The following SLCO2A1 variants were observed in gnomAD, a reference collection of about 807,000 sequenced individuals.
SLCO2A1 encodes the protein matrin F/G 1.
In SLCO2A1, 60 loss-of-function variants were observed where a neutral mutation model predicts 71.7. The ratio of observed to expected loss-of-function variants is 0.84; its 90% CI spans 0.68 to 1.04. The LOEUF (loss-of-function observed/expected upper bound fraction) is 1.04. Ranked by LOEUF, SLCO2A1 falls within the 50% of genes least tolerant of loss-of-function variation. The pLI, the probability that SLCO2A1 is intolerant of heterozygous loss-of-function variation, is 0.00. For missense variants in SLCO2A1, 745 were observed against 813.4 expected (o/e 0.92, Z 1.02); for synonymous variants, 308 against 326.7 (o/e 0.94, Z 0.62).
intron 2 of SLCO2A1, among the ~76,000 whole-genome samples, chr3:133,976,026 C>T (rs181049816): frequency 6.6e-5 from 10 of 152,326 alleles, no homozygotes; most frequent in Admixed American, 2.6e-4. Flanking sequence ...TTCCCCAGCA[C>T]CTAGAACAGT....
At chr3:133,969,090 GT>G (rs2108052978) in intron 3 of SLCO2A1, among the ~76,000 whole-genome samples, 1 of 152,212 alleles carries the variant, frequency 6.6e-6, no homozygotes, top group East Asian at 1.9e-4. Context: ...CAAGTAATAG[GT>G]CTGAGTAGCA....
At chr3:133,954,937 C>G (rs1235870043) in intron 4 of SLCO2A1, 29 bp downstream of exon 4, 1 of 1,591,808 alleles carries the variant, frequency 6.3e-7, no homozygotes, top group Non-Finnish European at 8.6e-7. Context: ...TCACCCCTCC[C>G]CAAAGCCCTC....
At chr3:134,025,741 T>G (rs1019092241) in intron 1 of SLCO2A1, among the ~76,000 whole-genome samples, 7 of 152,098 alleles carry the variant, frequency 4.6e-5, no homozygotes, top group African/African-American at 1.4e-4. Context: ...TGTAACCCCT[T>G]AGAGCTAGTA....
At chr3:133,944,233 C>T (rs1424311811) in intron 10 of SLCO2A1, among the ~76,000 whole-genome samples, 1 of 152,192 alleles carries the variant, frequency 6.6e-6, no homozygotes, top group Admixed American at 6.5e-5. Flanking sequence ...AACTCTCCAT[C>T]CTATTAAGTC....
Position 134,029,774 on chromosome 3 carries a change from G to T in SLCO2A1, c.29C>A (p.Ser10Tyr), listed in dbSNP as rs746332053. 6.4e-7 allele frequency: 1 copy of T among 1,555,644 alleles called. No homozygotes were observed. The highest frequency in any genetic ancestry group is 1.4e-5 in the African/African-American group (1 of 71,116). MGLLPKLGA[S>Y]QGSDTSTSRA... Reference sequence around the variant, plus strand: ...GCTAGTAGAGGTGTCGCTGCCCTGGGACGCGCCGAGCTTGGGCAGGAGCCC... The same window carrying T: ...GCTAGTAGAGGTGTCGCTGCCCTGGTACGCGCCGAGCTTGGGCAGGAGCCC... The change falls in exon 1 of 14, where the codon TCC becomes TAC. Residue 10 changes from serine to tyrosine, a missense_variant. Physicochemically the swap from Ser to Tyr is moderately radical, Grantham distance 144 (BLOSUM62 -2). Coordinates refer to ENST00000310926, the MANE Select transcript of SLCO2A1 (RefSeq NM_005630.3).
intron 5 of SLCO2A1, among the ~76,000 whole-genome samples, chr3:133,952,313 G>A (rs1349367377): frequency 6.6e-6 from 1 of 152,198 alleles, no homozygotes; most frequent in Non-Finnish European, 1.5e-5. Context: ...CAGTCTTAGG[G>A]ACGGGAGTCT....
intron 6 of SLCO2A1, 98 bp downstream of exon 6, chr3:133,951,110 G>T (rs1206191823): frequency 1.3e-6 from 2 of 1,508,352 alleles, no homozygotes; most frequent in Non-Finnish European, 1.8e-6. Flanking sequence ...CCCTGAATTT[G>T]CTTAACATGC....
intron 1 of SLCO2A1, among the ~76,000 whole-genome samples, chr3:133,993,296 G>T (rs1934894660): frequency 6.6e-6 from 1 of 152,252 alleles, no homozygotes; most frequent in African/African-American, 2.4e-5. Context: ...GAAATATCCT[G>T]CTTCCGTTGT....
At chr3:134,013,389 G>A (rs1035357075) in intron 1 of SLCO2A1, among the ~76,000 whole-genome samples, 1 of 152,210 alleles carries the variant, frequency 6.6e-6, no homozygotes, top group African/African-American at 2.4e-5. Context: ...CGAGCAGCAG[G>A]AGTGTGACTC....
At chr3:134,000,759 TC>T (rs1413701061) in intron 1 of SLCO2A1, among the ~76,000 whole-genome samples, 3 of 152,086 alleles carry the variant, frequency 2.0e-5, no homozygotes, top group Non-Finnish European at 4.4e-5. Context: ...TGAAATAAAC[TC>T]CCCTTGGGCT....
chr3:134,024,741 C>T (rs759588509), intron 1 of SLCO2A1, among the ~76,000 whole-genome samples: 11 of 152,126 alleles, frequency 7.2e-5, no homozygotes, highest in Non-Finnish European at 1.0e-4. Flanking sequence ...ATAAACGCTC[C>T]CCATGCTGTG....
chr3:133,955,392 G>A, intron 3 of SLCO2A1, 199 bp from the exon 4 acceptor site: 1 of 582,940 alleles, frequency 1.7e-6, no homozygotes, highest in Non-Finnish European at 3.0e-6. Context: ...ACAAAGGTGT[G>A]AAAGAGAGGT....
chr3:133,982,830 A>C (rs1178571441), intron 1 of SLCO2A1, among the ~76,000 whole-genome samples: 1 of 151,962 alleles, frequency 6.6e-6, no homozygotes, highest in Non-Finnish European at 1.5e-5. Context: ...AAGCACAAAC[A>C]CGAGCAGGTC....
At position 133,951,002 on chromosome 3, in the gene SLCO2A1, G is replaced by A. The variant is rs75914570; in HGVS notation, c.861+206C>T. 1,134 of 612,848 alleles carry A rather than the reference G, an allele frequency of 1.9e-3. 4 individuals carry two copies. Among genetic ancestry groups the A allele is most frequent in the Middle Eastern group, 0.013 (47 of 3,746 alleles). 38.0% of individuals were successfully genotyped at this position (612,848 alleles called of 1,614,324 possible). A position where few individuals can be genotyped will look rare whatever the true frequency, so the allele number is the denominator to read the frequency against. ...ATCCTTGACATGCTAACATGGTACGGGAACACATAGGAGATACCACCTTTT... is the reference window on the plus strand; with the variant it reads ...ATCCTTGACATGCTAACATGGTACGAGAACACATAGGAGATACCACCTTTT... On this transcript the variant is annotated intron_variant, in intron 6 of 13. Coordinates refer to ENST00000310926, the MANE Select transcript of SLCO2A1 (RefSeq NM_005630.3).
At chr3:134,002,261 T>C (rs1935119173) in intron 1 of SLCO2A1, among the ~76,000 whole-genome samples, 1 of 152,158 alleles carries the variant, frequency 6.6e-6, no homozygotes, top group Admixed American at 6.5e-5. Flanking sequence ...TGGTGGTCTC[T>C]CCTTGCTGAG....
intron 13 of SLCO2A1, 119 bp downstream of exon 13, chr3:133,935,655 C>G: frequency 8.1e-7 from 1 of 1,229,066 alleles, no homozygotes; most frequent in Admixed American, 2.5e-5. Context: ...CAGAGGTGGC[C>G]CTTCATGTTC....
At chr3:134,018,319 C>T (rs886172333) in intron 1 of SLCO2A1, among the ~76,000 whole-genome samples, 3 of 152,212 alleles carry the variant, frequency 2.0e-5, no homozygotes, top group Non-Finnish European at 2.9e-5. Context: ...TTTTCCTGAG[C>T]ATGAATCTGG....
In SLCO2A1 at chr3:133,942,403, AG is replaced by A. The variant is rs1933447296; in HGVS notation, c.1625+201del. ...CCCTGCAATGAGGAGCTCAGCACAG[AG>A]CCTCCCTGGGCAGGGCTCCCAGCAC... On this transcript the variant is annotated intron_variant, in intron 11 of 13. Transcript: ENST00000310926. 7.0e-6 allele frequency: 4 copies of A among 569,892 alleles called. No homozygotes were observed. In the South Asian group the frequency reaches 1.1e-4, roughly 15 times the overall value. The allele number at this position is 569,892 out of a possible 1,614,324, so 35.3% of individuals were successfully genotyped here.
rs76087055 is a variant in SLCO2A1, at chr3:133,995,243, G to A, written c.97-15625C>T. On this transcript the variant is annotated intron_variant, in intron 1 of 13. Coordinates refer to ENST00000310926, the MANE Select transcript of SLCO2A1 (RefSeq NM_005630.3). Reference sequence around the variant, plus strand: ...CTTTATATAAATAGAATCATATAGTGTGTCAGCATGATCTTCAAAAATGGA... The same window carrying A: ...CTTTATATAAATAGAATCATATAGTATGTCAGCATGATCTTCAAAAATGGA... Among the ~76,000 whole-genome samples, 520 of 152,224 alleles carry A rather than the reference G, an allele frequency of 3.4e-3. 6 individuals carry two copies. Among genetic ancestry groups the A allele is most frequent in the East Asian group, 0.027 (139 of 5,168 alleles).
Sources: allele counts gnomAD v4.1 joint callset (sites outside exome capture counted in the v4.1 genomes callset), GRCh38; gene constraint gnomAD v4.1.1; transcripts MANE v1.5; gene names NCBI Gene and HGNC (gene_info 2026-07-23, HGNC 2026-07-21).